CARMIL1: variants seen among roughly 807,000 people sequenced by gnomAD.
CARMIL1 encodes F-actin-uncapping protein LRRC16A.
In CARMIL1, 90 loss-of-function variants were observed where a neutral mutation model predicts 177.1. The ratio of observed to expected loss-of-function variants is 0.51; its 90% confidence interval spans 0.43 to 0.61. The LOEUF is 0.61. CARMIL1 is among the 20% of genes least tolerant of loss of function. The pLI, the probability that CARMIL1 is intolerant of heterozygous loss-of-function variation, is 0.00. For synonymous variants in CARMIL1, 577 were observed against 606.2 expected (o/e 0.95, Z 0.71); for missense variants, 1,380 against 1,667.0 (o/e 0.83, Z 3.00).
intron 8 of CARMIL1, among the ~76,000 whole-genome samples, chr6:25,459,375 C>T (rs1265014394): frequency 2.0e-5 from 3 of 149,726 alleles, no homozygotes; most frequent in Non-Finnish European, 4.4e-5. Flanking sequence ...AGGCATGTAC[C>T]ACCATGCCTG....
chr6:25,317,582 A>C (rs1387756435), intron 2 of CARMIL1, among the ~76,000 whole-genome samples: 1 of 83,244 alleles, frequency 1.2e-5, no homozygotes, highest in Non-Finnish European at 2.0e-5. Flanking sequence ...TTTTTTTTTA[A>C]TAGAGATGGG....
chr6:25,548,713 A>G (rs902320795), intron 26 of CARMIL1, among the ~76,000 whole-genome samples: 3 of 152,198 alleles, frequency 2.0e-5, no homozygotes, highest in African/African-American at 7.2e-5. Flanking sequence ...GAACAAACTT[A>G]TAAGTAATGA....
intron 2 of CARMIL1, among the ~76,000 whole-genome samples, chr6:25,347,781 A>T (rs1787681679): frequency 6.6e-6 from 1 of 152,210 alleles, no homozygotes; most frequent in African/African-American, 2.4e-5. Flanking sequence ...TGCAGACTTT[A>T]TGTAGATTTT....
chr6:25,445,715 T>C (rs796771625), intron 5 of CARMIL1, among the ~76,000 whole-genome samples: 65 of 152,004 alleles, frequency 4.3e-4, no homozygotes, highest in African/African-American at 1.5e-3. Context: ...TTTTTTTGTA[T>C]TTTTAGTAGA....
At chr6:25,317,806 C>T (rs1208118871) in intron 2 of CARMIL1, among the ~76,000 whole-genome samples, 2 of 152,032 alleles carry the variant, frequency 1.3e-5, no homozygotes, top group African/African-American at 2.4e-5. Context: ...CTCAAGTCAC[C>T]CGTCCGCATT....
intron 2 of CARMIL1, among the ~76,000 whole-genome samples, chr6:25,353,976 T>C (rs1000159680): frequency 6.6e-6 from 1 of 152,112 alleles, no homozygotes; most frequent in Non-Finnish European, 1.5e-5. Flanking sequence ...AGGAATGGGG[T>C]GCTACTGGCA....
chr6:25,426,616 CCCTAA>C (rs1239341610), intron 4 of CARMIL1, 56 bp downstream of exon 4: 4 of 1,497,386 alleles, frequency 2.7e-6, no homozygotes, highest in Non-Finnish European at 3.7e-6. Context: ...ATTCTTGAAA[CCCTAA>C]AATGTTCCTT....
chr6:25,490,676 C>T (rs894654862), intron 13 of CARMIL1, among the ~76,000 whole-genome samples: 2 of 150,210 alleles, frequency 1.3e-5, no homozygotes, highest in African/African-American at 2.5e-5. Flanking sequence ...CCAGCTTGGG[C>T]GATAGAGCCA....
intron 4 of CARMIL1, among the ~76,000 whole-genome samples, chr6:25,426,955 T>G (rs1408154412): frequency 6.6e-6 from 1 of 152,188 alleles, no homozygotes; most frequent in Non-Finnish European, 1.5e-5. Context: ...ATAGCTTTAT[T>G]GGGCTATAAC....
At chr6:25,344,743 C>A (rs1182841769) in intron 2 of CARMIL1, among the ~76,000 whole-genome samples, 1 of 152,128 alleles carries the variant, frequency 6.6e-6, no homozygotes, top group Non-Finnish European at 1.5e-5. Context: ...CACCAGCACA[C>A]CCACCACCTG....
At chr6:25,613,970 C>T (rs1367809769) in intron 36 of CARMIL1, among the ~76,000 whole-genome samples, 2 of 152,148 alleles carry the variant, frequency 1.3e-5, no homozygotes, top group African/African-American at 2.4e-5. Context: ...GATACCTTCT[C>T]TTTATTGCAA....
chr6:25,485,143 A>G (rs1183160223), intron 12 of CARMIL1, among the ~76,000 whole-genome samples: 1 of 152,176 alleles, frequency 6.6e-6, no homozygotes, highest in Middle Eastern at 3.2e-3. Flanking sequence ...TGTAGTCATC[A>G]TTTATCCTTT....
chr6:25,492,122 A>G (rs553359463), intron 15 of CARMIL1, 98 bp downstream of exon 15: 6 of 1,005,166 alleles, frequency 6.0e-6, no homozygotes, highest in Non-Finnish European at 9.0e-6. Context: ...TGAATGTTGT[A>G]TATGAAAGAA....
Position 25,340,503 on chromosome 6 carries a change from G to A in CARMIL1, c.138+55594G>A, listed in dbSNP as rs9379758. Among the ~76,000 whole-genome samples the A allele has an allele frequency of 7.9e-5, 12 of 152,274 alleles. No individual in the cohort carries two copies. The East Asian group carries it at 2.3e-3, about 29-fold the overall frequency. The stretch of plus-strand genomic sequence containing the variant: ...AAGAATATTGGATCATTGGTTTAGG[G>A]TATGACACTTAAAGAGACCAAAGAG... On this transcript the variant is annotated intron_variant, in intron 2 of 36. Transcript: ENST00000329474.
intron 8 of CARMIL1, among the ~76,000 whole-genome samples, chr6:25,461,504 A>G (rs1800119408): frequency 6.6e-6 from 1 of 152,216 alleles, no homozygotes; most frequent in Non-Finnish European, 1.5e-5. Flanking sequence ...TGAGCTTTCC[A>G]TGAGAGAGAG....
rs140560181 is a variant in CARMIL1 at position 25,577,845 on chromosome 6, G to A, written c.2743-3079G>A. Among the ~76,000 whole-genome samples the A allele has an allele frequency of 3.6e-3, 549 of 152,160 alleles. 2 individuals carry two copies. Among genetic ancestry groups the A allele is most frequent in the African/African-American group, 0.013 (536 of 41,526 alleles). On this transcript the variant is annotated intron_variant, in intron 29 of 36. Coordinates refer to ENST00000329474, the MANE Select transcript of CARMIL1 (RefSeq NM_017640.6). The surrounding 1 kb of genome is among the most constrained non-coding windows in gnomAD (Gnocchi z 4.5). Reference sequence around the variant, plus strand: ...TGGATTCTCAGAAAATAGAGTTGTGGCCTTTTTGTTCACAGTGTCTGCCAC... The same window carrying A: ...TGGATTCTCAGAAAATAGAGTTGTGACCTTTTTGTTCACAGTGTCTGCCAC...
chr6:25,585,462 ATGT>A lies in CARMIL1; in HGVS notation c.3006+4027_3006+4029del, dbSNP rs1813547750. ...CATGCCAGTTTCTTCCAGGCCAAAC[ATGT>A]TGTAATGACCGATTTTTGTGCCAAA... On this transcript the variant is annotated intron_variant, in intron 31 of 36. Coordinates refer to ENST00000329474, the MANE Select transcript of CARMIL1 (RefSeq NM_017640.6). 5.9e-5 allele frequency among the ~76,000 whole-genome samples: 9 copies of A among 152,360 alleles called. No individual in the cohort carries two copies. In the South Asian group the frequency reaches 1.7e-3, roughly 28 times the overall value.
At chr6:25,299,619 G>T (rs1406808611) in intron 2 of CARMIL1, among the ~76,000 whole-genome samples, 1 of 152,098 alleles carries the variant, frequency 6.6e-6, no homozygotes, top group Non-Finnish European at 1.5e-5. Flanking sequence ...ACCAGCATCT[G>T]TGGCCCCTCC....
chr6:25,367,790 G>A (rs1327453883), intron 2 of CARMIL1, among the ~76,000 whole-genome samples: 3 of 152,044 alleles, frequency 2.0e-5, no homozygotes, highest in Admixed American at 6.6e-5. Context: ...ACGGAGCCTC[G>A]GTCTGTCGCC....
Sources: allele counts gnomAD v4.1 joint callset (sites outside exome capture counted in the v4.1 genomes callset), GRCh38; gene constraint gnomAD v4.1.1; non-coding constraint Gnocchi (gnomAD v3.1); transcripts MANE v1.5; gene names NCBI Gene and HGNC (gene_info 2026-07-23, HGNC 2026-07-21).